The following ZNF254 variants were observed in gnomAD, a reference collection of about 807,000 sequenced individuals.
The protein encoded by ZNF254 is zinc finger protein 254, also known as CTD-2017D11.1.
In ZNF254, 10 loss-of-function variants were observed where a neutral mutation model predicts 12.4. That is an observed-to-expected ratio of 0.80 (90% CI 0.50 to 1.36). The LOEUF (loss-of-function observed/expected upper bound fraction) is 1.36. Ranked by LOEUF, ZNF254 falls within the 40% of genes most tolerant of loss-of-function variation. The pLI is 0.00. For missense variants in ZNF254, 996 were observed against 763.9 expected, an observed-to-expected ratio of 1.30 and a Z score of -3.58; for synonymous variants, 305 against 253.4, an observed-to-expected ratio of 1.20 and a Z score of -1.93.
chr19:24,104,432 A>C (rs961193550), intron 1 of ZNF254: 3 of 152,206 alleles, frequency 2.0e-5, no homozygotes, highest in Admixed American at 2.0e-4. Flanking sequence ...GGAGAGAGAA[A>C]AAGTGACTTT....
At chr19:24,045,462 G>A (rs939443216) in intron 1 of ZNF254, among the ~76,000 whole-genome samples, 1 of 151,980 alleles carries the variant, frequency 6.6e-6, no homozygotes, top group African/African-American at 2.4e-5. Flanking sequence ...GAGGTCGGGA[G>A]ATCGAGATCA....
At chr19:24,081,211 A>G (rs576705852) in intron 2 of ZNF254, among the ~76,000 whole-genome samples, 3 of 152,140 alleles carry the variant, frequency 2.0e-5, no homozygotes, top group Non-Finnish European at 4.4e-5. Context: ...GCCATTTTAC[A>G]TAATCTCTAA....
intron 2 of ZNF254, chr19:24,079,111 A>G (rs989796587): frequency 2.6e-5 from 4 of 152,114 alleles, no homozygotes; most frequent in Non-Finnish European, 2.9e-5. Flanking sequence ...GGGATAAAAT[A>G]CCATATGTTC....
chr19:24,124,288 C>T (rs1310111445), intron 3 of ZNF254, among the ~76,000 whole-genome samples: 1 of 151,832 alleles, frequency 6.6e-6, no homozygotes, highest in Non-Finnish European at 1.5e-5. Flanking sequence ...TTAATTATAT[C>T]TTTTTATATT....
intron 2 of ZNF254, among the ~76,000 whole-genome samples, chr19:24,059,626 T>A (rs183933702): frequency 6.6e-5 from 1 of 15,186 alleles, no homozygotes; most frequent in East Asian, 1.4e-3. Context: ...CCTGCATACA[T>A]TATGTATTTT....
rs1974860737 is a variant in ZNF254, at chr19:24,126,567, A to C, written c.567A>C (p.Lys189Asn). The change falls in exon 4 of 4, where the codon AAA (lysine) becomes AAC (asparagine). Residue 189 changes from lysine (K) to asparagine (N), a missense_variant. Transcript: ENST00000357002. ...KKSFKCKKRVKLFCMLSHKTQ... is the reference protein window; with the variant it reads ...KKSFKCKKRVNLFCMLSHKTQ... Reference sequence around the variant, plus strand: ...CTTTCAAATGTAAAAAACGTGTCAAATTATTTTGCATGCTTTCACATAAAA... The same window carrying C: ...CTTTCAAATGTAAAAAACGTGTCAACTTATTTTGCATGCTTTCACATAAAA... 1 of 1,605,036 alleles carries C rather than the reference A, an allele frequency of 6.2e-7. No individual in the cohort carries two copies. Among genetic ancestry groups the C allele is most frequent in the Admixed American group, 1.7e-5 (1 of 57,742 alleles).
At chr19:24,117,907 T>A (rs1422511661) in intron 3 of ZNF254, among the ~76,000 whole-genome samples, 4 of 152,098 alleles carry the variant, frequency 2.6e-5, no homozygotes, top group Non-Finnish European at 5.9e-5. Flanking sequence ...AGGTCTTTTG[T>A]TGCATATTTT....
At chr19:24,118,207 C>G (rs772738668) in intron 3 of ZNF254, among the ~76,000 whole-genome samples, 4 of 151,882 alleles carry the variant, frequency 2.6e-5, no homozygotes, top group Admixed American at 6.6e-5. Flanking sequence ...GCACGTGCCA[C>G]CACATCTGGC....
chr19:24,056,449 G>C (rs1238905136), intron 2 of ZNF254, among the ~76,000 whole-genome samples: 1 of 152,060 alleles, frequency 6.6e-6, no homozygotes, highest in South Asian at 2.1e-4. Flanking sequence ...CATAAGTTCT[G>C]CTGGCAAGGG....
At chr19:24,059,380 T>C (rs552631455) in intron 2 of ZNF254, among the ~76,000 whole-genome samples, 94 of 152,308 alleles carry the variant, frequency 6.2e-4, no homozygotes, top group Middle Eastern at 3.4e-3. Flanking sequence ...TCTCCTCTCA[T>C]GACTAGGCCC....
In ZNF254 at chr19:24,070,900, C is replaced by T. The variant is rs539353606; in HGVS notation, c.-94+24621C>T. Among the ~76,000 whole-genome samples the T allele has an allele frequency of 2.6e-5, 4 of 152,330 alleles. No homozygotes were observed. In the East Asian group the frequency reaches 7.7e-4, roughly 29 times the overall value. ...GTTTGTCTTTTTTATGCCCTGCCCACATGGGCTATTGTAACATATTGCTGG... is the reference window on the plus strand; with the variant it reads ...GTTTGTCTTTTTTATGCCCTGCCCATATGGGCTATTGTAACATATTGCTGG... On this transcript the variant is annotated intron_variant, in intron 2 of 4. Coordinates refer to the ZNF254 transcript ENST00000613065.
chr19:24,046,373 T>TTTATATATATATATATA, intron 2 of ZNF254: 1 of 95,508 alleles, frequency 1.0e-5, no homozygotes, highest in South Asian at 3.4e-4. Flanking sequence ...TTATTATTTT[T>TTTATATATATATATATA]TATATATATA....
intron 3 of ZNF254, among the ~76,000 whole-genome samples, chr19:24,117,887 C>T (rs1210315623): frequency 1.3e-5 from 2 of 151,912 alleles, no homozygotes; most frequent in East Asian, 1.9e-4. Context: ...TTCTATCATA[C>T]ATGTCTTCAA....
In ZNF254 at chr19:24,087,432, A is replaced by C. The variant is rs995323316; in HGVS notation, c.30+95A>C. Reference sequence around the variant, plus strand: ...GCGGGACTCAGGCCTCCCCCCAGTCAGCTCCACAATCTGCGCCCAGCTCGA... The same window carrying C: ...GCGGGACTCAGGCCTCCCCCCAGTCCGCTCCACAATCTGCGCCCAGCTCGA... On this transcript the variant is annotated intron_variant, in intron 1 of 3. Coordinates refer to ENST00000357002, the MANE Select transcript of ZNF254 (RefSeq NM_203282.4). 2.1e-5 allele frequency: 32 copies of C among 1,520,858 alleles called. No homozygotes were observed. In the East Asian group the frequency reaches 7.0e-4, roughly 33 times the overall value. 94.2% of individuals were successfully genotyped at this position (1,520,858 alleles called of 1,614,324 possible).
At chr19:24,119,817 A>C (rs1332002170) in intron 3 of ZNF254, among the ~76,000 whole-genome samples, 1 of 152,094 alleles carries the variant, frequency 6.6e-6, no homozygotes, top group Non-Finnish European at 1.5e-5. Flanking sequence ...ATTATTTCTT[A>C]AAATGAAATT....
At chr19:24,106,414 A>C (rs1323773729) in intron 2 of ZNF254, 134 bp from the exon 3 acceptor site, 5 of 652,856 alleles carry the variant, frequency 7.7e-6, no homozygotes, top group Admixed American at 3.9e-5. Flanking sequence ...AATATTTAAA[A>C]ATTTCTGTTA....
chr19:24,061,390 AG>A (rs1971060209), intron 2 of ZNF254, among the ~76,000 whole-genome samples: 1 of 152,328 alleles, frequency 6.6e-6, no homozygotes, highest in African/African-American at 2.4e-5. Context: ...CCCTGTCCAC[AG>A]GGGTTCTTGT....
rs753513429 is a variant in ZNF254 at position 24,126,531 on chromosome 19, T to C, written c.531T>C (p.Thr177=). 1.0e-5 allele frequency: 16 copies of C among 1,600,540 alleles called. No homozygotes were observed. The East Asian group carries it at 2.9e-4, about 29-fold the overall frequency. The part of the protein sequence containing the change: ...LNSNRPKIRH[T]EKKSFKCKKR... ...CAAACAGACCTAAGATAAGACATAC[T>C]GAAAAGAAATCTTTCAAATGTAAAA... The change falls in exon 4 of 4, where the codon ACT becomes ACC. Residue 177 remains threonine (T), a synonymous_variant. Transcript: ENST00000357002.
At chr19:24,089,697 A>C (rs1972251086) in intron 1 of ZNF254, among the ~76,000 whole-genome samples, 1 of 151,666 alleles carries the variant, frequency 6.6e-6, no homozygotes, top group East Asian at 1.9e-4. Context: ...GGCATTTCCT[A>C]GTGCACTTTT....
Sources: allele counts gnomAD v4.1 joint callset (sites outside exome capture counted in the v4.1 genomes callset), GRCh38; gene constraint gnomAD v4.1.1; transcripts MANE v1.5; gene names NCBI Gene and HGNC (gene_info 2026-07-23, HGNC 2026-07-21).